FGF12: variants seen among roughly 807,000 people sequenced by gnomAD.
FGF12 encodes fibroblast growth factor 12B.
In FGF12, 14 loss-of-function variants were observed where a neutral mutation model predicts 23.6. The observed-to-expected ratio is 0.59, with a 90% CI of 0.39 to 0.93. The LOEUF is 0.93. FGF12 is among the 40% of genes least tolerant of loss of function. FGF12 has a pLI of 0.00. For synonymous variants in FGF12, 62 were observed against 77.3 expected, an observed-to-expected ratio of 0.80 and a Z score of 1.04; for missense variants, 175 against 217.8, an observed-to-expected ratio of 0.80 and a Z score of 1.24.
At chr3:192,415,770 A>C (rs1184124521) in intron 2 of FGF12, among the ~76,000 whole-genome samples, 2 of 151,680 alleles carry the variant, frequency 1.3e-5, no homozygotes, top group East Asian at 3.9e-4. Flanking sequence ...ACACACACAC[A>C]CACACACTCA....
intron 2 of FGF12, among the ~76,000 whole-genome samples, chr3:192,608,965 A>G (rs898865834): frequency 3.3e-5 from 5 of 152,106 alleles, no homozygotes; most frequent in African/African-American, 9.7e-5. Flanking sequence ...GATACTAAAA[A>G]AGGCATTTGG....
chr3:192,613,167 G>A, intron 2 of FGF12, among the ~76,000 whole-genome samples: 1 of 151,760 alleles, frequency 6.6e-6, no homozygotes, highest in East Asian at 1.9e-4. Context: ...GCTTGTTGAA[G>A]TCAATTATTC....
rs534841662 is a variant in FGF12, at chr3:192,149,181, T to C, written c.428-5054A>G. Among the ~76,000 whole-genome samples, 8 of 152,334 alleles carry C rather than the reference T, an allele frequency of 5.3e-5. No homozygotes were observed. In the East Asian group the frequency reaches 1.5e-3, roughly 29 times the overall value. ...CGACATGAGTGTATAAAGAAAAATC[T>C]ATTAATTCCTTTATGTAGAAAAATG... is the stretch of plus-strand genomic sequence containing the variant. On this transcript the variant is annotated intron_variant, in intron 5 of 5. Coordinates refer to ENST00000445105, the MANE Select transcript of FGF12 (RefSeq NM_004113.6).
chr3:192,656,452 G>GT (rs1716429955), intron 2 of FGF12, among the ~76,000 whole-genome samples: 2 of 152,102 alleles, frequency 1.3e-5, no homozygotes. Context: ...TTACACATTT[G>GT]TTTCTCTAGT....
chr3:192,335,057 A>G (rs1282698561), intron 4 of FGF12, among the ~76,000 whole-genome samples: 4 of 152,192 alleles, frequency 2.6e-5, no homozygotes, highest in Non-Finnish European at 5.9e-5. Context: ...AAGAGAAAAG[A>G]AAAATGTCTT....
At chr3:192,582,729 A>T (rs1223904442) in intron 2 of FGF12, among the ~76,000 whole-genome samples, 1 of 152,108 alleles carries the variant, frequency 6.6e-6, no homozygotes, top group African/African-American at 2.4e-5. Flanking sequence ...TTATGAACAT[A>T]GATATAAAGG....
At chr3:192,511,722 G>A (rs1456330083) in intron 2 of FGF12, among the ~76,000 whole-genome samples, 1 of 151,838 alleles carries the variant, frequency 6.6e-6, no homozygotes, top group Non-Finnish European at 1.5e-5. Context: ...TTTGAGAAAT[G>A]GAAAAAAAAG....
intron 2 of FGF12, among the ~76,000 whole-genome samples, chr3:192,712,544 G>A (rs987639439): frequency 1.3e-5 from 2 of 151,940 alleles, no homozygotes; most frequent in Non-Finnish European, 2.9e-5. Flanking sequence ...AAATCAGAAT[G>A]TTAGAATGAT....
chr3:192,511,159 A>G (rs1041916985), intron 2 of FGF12, among the ~76,000 whole-genome samples: 1 of 152,056 alleles, frequency 6.6e-6, no homozygotes, highest in African/African-American at 2.4e-5. Context: ...TATACACAGA[A>G]GGAGGTTGAT....
intron 2 of FGF12, among the ~76,000 whole-genome samples, chr3:192,597,882 G>A (rs1019858216): frequency 1.3e-5 from 2 of 152,248 alleles, no homozygotes; most frequent in African/African-American, 4.8e-5. Context: ...GATGCAGACA[G>A]GCTGGGATAG....
intron 4 of FGF12, among the ~76,000 whole-genome samples, chr3:192,183,788 G>A (rs926126249): frequency 1.3e-5 from 2 of 152,182 alleles, no homozygotes; most frequent in South Asian, 2.1e-4. Context: ...GAATTAACCC[G>A]ATCAAGACCA....
chr3:192,618,763 T>C (rs1212263610), intron 2 of FGF12, among the ~76,000 whole-genome samples: 4 of 142,592 alleles, frequency 2.8e-5, no homozygotes, highest in Admixed American at 1.4e-4. Flanking sequence ...TCGACTATCT[T>C]ATAATACTAA....
At chr3:192,487,609 C>T (rs1006853832) in intron 2 of FGF12, among the ~76,000 whole-genome samples, 3 of 152,024 alleles carry the variant, frequency 2.0e-5, no homozygotes, top group Admixed American at 1.3e-4. Flanking sequence ...GTATTGTATA[C>T]AAAATTAAGT....
At chr3:192,421,048 C>T (rs930112108) in intron 2 of FGF12, among the ~76,000 whole-genome samples, 6 of 152,178 alleles carry the variant, frequency 3.9e-5, no homozygotes, top group Non-Finnish European at 8.8e-5. Flanking sequence ...CGACGAGAAT[C>T]GACAGTGGCC....
intron 2 of FGF12, among the ~76,000 whole-genome samples, chr3:192,675,062 A>G (rs1275872810): frequency 6.6e-6 from 1 of 152,184 alleles, no homozygotes; most frequent in African/African-American, 2.4e-5. Flanking sequence ...AGGTGCAGAA[A>G]GAAAATGGGC....
intron 4 of FGF12, among the ~76,000 whole-genome samples, chr3:192,318,770 G>T (rs1213979763): frequency 6.6e-6 from 1 of 151,970 alleles, no homozygotes; most frequent in Non-Finnish European, 1.5e-5. Flanking sequence ...CCCCAAAAAA[G>T]ATTATATGAA....
In FGF12 at chr3:192,296,515, T is replaced by C. The variant is rs115721159; in HGVS notation, c.228+38846A>G. 7.4e-3 allele frequency among the ~76,000 whole-genome samples: 1,121 copies of C among 152,296 alleles called. 16 individuals carry two copies. The highest frequency in any genetic ancestry group is 0.025 in the African/African-American group (1,052 of 41,578). ...GTGGGATTACATGTGTGAGACACTG[T>C]GCCCAGCCTCATTTTATTTTTAAAC... On this transcript the variant is annotated intron_variant, in intron 4 of 5. Transcript: ENST00000445105.
chr3:192,623,208 C>G (rs1473690201), intron 2 of FGF12, among the ~76,000 whole-genome samples: 2 of 152,160 alleles, frequency 1.3e-5, no homozygotes, highest in East Asian at 3.9e-4. Context: ...AATAACAAGG[C>G]AAAAGTGAAG....
intron 4 of FGF12, among the ~76,000 whole-genome samples, chr3:192,192,846 T>C (rs1377601414): frequency 6.6e-6 from 1 of 152,200 alleles, no homozygotes; most frequent in Non-Finnish European, 1.5e-5. Context: ...CATATCATTG[T>C]GTAAATACAG....
Sources: allele counts gnomAD v4.1 joint callset (sites outside exome capture counted in the v4.1 genomes callset), GRCh38; gene constraint gnomAD v4.1.1; transcripts MANE v1.5; gene names NCBI Gene and HGNC (gene_info 2026-07-23, HGNC 2026-07-21).